DOCK4: variants seen among roughly 807,000 people sequenced by gnomAD.
DOCK4 encodes dedicator of cytokinesis protein 4.
In DOCK4, 97 loss-of-function variants were observed where a neutral mutation model predicts 268.1. The observed-to-expected ratio is 0.36, with a 90% CI of 0.31 to 0.43. The LOEUF (loss-of-function observed/expected upper bound fraction) is 0.43. DOCK4 is among the 20% of genes least tolerant of loss of function. The pLI is 1.00. For missense variants in DOCK4, 2,145 were observed against 2,455.7 expected (o/e 0.87, Z 2.67); for synonymous variants, 954 against 887.2 (o/e 1.08, Z -1.34).
intron 16 of DOCK4, among the ~76,000 whole-genome samples, chr7:111,879,527 C>T (rs566611531): frequency 5.3e-5 from 8 of 152,058 alleles, no homozygotes; most frequent in Non-Finnish European, 1.2e-4. Context: ...CTTGGGGTCC[C>T]CCAGTACAGG....
rs772693243 is a variant in DOCK4, at chr7:111,989,119, A to G, written c.360T>C (p.Asn120=). Residue 120 remains asparagine, a synonymous_variant, in exon 6 of 53, where the codon AAT becomes AAC. Coordinates refer to ENST00000428084, the MANE Select transcript of DOCK4 (RefSeq NM_001363540.2). ...CCTGCCGCCTCAGGTCCAGGATTTCATTCATGATGTGCCACAGCCGGTGGA... is the reference window on the plus strand; with the variant it reads ...CCTGCCGCCTCAGGTCCAGGATTTCGTTCATGATGTGCCACAGCCGGTGGA... ...DLFHRLWHIM[N]EILDLRRQVL... is the part of the protein sequence containing the mutation. The G allele has an allele frequency of 6.2e-7, 1 of 1,614,008 alleles. No individual in the cohort carries two copies. The highest frequency in any genetic ancestry group is 2.2e-5 in the East Asian group (1 of 44,882).
chr7:112,029,662 A>G (rs532228594), intron 1 of DOCK4, among the ~76,000 whole-genome samples: 63 of 152,314 alleles, frequency 4.1e-4, no homozygotes, highest in Middle Eastern at 6.8e-3. Flanking sequence ...TTGAACTTAC[A>G]TGGAAATTCA....
At chr7:112,167,095 A>G (rs1817672624) in intron 1 of DOCK4, among the ~76,000 whole-genome samples, 1 of 152,220 alleles carries the variant, frequency 6.6e-6, no homozygotes, top group African/African-American at 2.4e-5. Context: ...TCATTAGTGG[A>G]GAAAATTCCA....
chr7:112,177,864 G>C (rs1300140928), intron 1 of DOCK4, among the ~76,000 whole-genome samples: 4 of 152,146 alleles, frequency 2.6e-5, no homozygotes. Flanking sequence ...TTTGCAGAAA[G>C]GCTGTTCTTC....
At chr7:111,771,036 A>T (rs996549246) in intron 36 of DOCK4, among the ~76,000 whole-genome samples, 4 of 152,258 alleles carry the variant, frequency 2.6e-5, no homozygotes, top group African/African-American at 7.2e-5. Context: ...GCAGTCTCTT[A>T]TCCCCCTCCA....
chr7:111,727,938 A>G lies in DOCK4; in HGVS notation c.*336T>C, dbSNP rs976537109. The G allele has an allele frequency of 2.8e-5, 6 of 214,632 alleles. No homozygotes were observed. The highest frequency in any genetic ancestry group is 5.4e-5 in the Non-Finnish European group (6 of 110,296). 13.3% of individuals were successfully genotyped at this position (214,632 alleles called of 1,614,324 possible). A position where few individuals can be genotyped will look rare whatever the true frequency, so the allele number is the denominator to read the frequency against. ...TCAGTAAAAACGATACAACATTGTC[A>G]CACATTGTATCGTTTGACAATATCG... On this transcript the variant is annotated 3_prime_UTR_variant, in exon 53 of 53. Coordinates refer to ENST00000428084, the MANE Select transcript of DOCK4 (RefSeq NM_001363540.2).
chr7:112,145,710 C>T (rs1002071508), intron 1 of DOCK4, among the ~76,000 whole-genome samples: 3 of 151,952 alleles, frequency 2.0e-5, no homozygotes, highest in Non-Finnish European at 2.9e-5. Context: ...GACATACATG[C>T]ACATGAGGGA....
intron 8 of DOCK4, among the ~76,000 whole-genome samples, chr7:111,973,040 A>G (rs1271309804): frequency 6.6e-6 from 1 of 151,204 alleles, no homozygotes; most frequent in African/African-American, 2.4e-5. Context: ...AGAACATACA[A>G]TGTTTGGTTT....
chr7:112,120,345 G>C (rs574100160), intron 1 of DOCK4, among the ~76,000 whole-genome samples: 2 of 152,166 alleles, frequency 1.3e-5, no homozygotes, highest in South Asian at 4.1e-4. Flanking sequence ...GTTTAGTAGC[G>C]CTATTTTAAA....
rs1806952755 is a variant in DOCK4 at position 111,877,070 on chromosome 7, A to C, written c.1704T>G (p.Cys568Trp). The change falls in exon 17 of 53, where the codon TGT (cysteine) becomes TGG (tryptophan). Residue 568 changes from cysteine (C) to tryptophan (W), a missense_variant. Around this residue, in one of 2 missense-constraint regions of DOCK4, gnomAD observed 1,598 missense variants for 1,986.7 expected, o/e 0.80. Transcript: ENST00000428084. ...TTGTGGAACAGAGAAAAGATGTAATACAAAAGGACTCCTTTGTGGCCTTCA... is the reference window on the plus strand; with the variant it reads ...TTGTGGAACAGAGAAAAGATGTAATCCAAAAGGACTCCTTTGTGGCCTTCA... ...QAMKATKESFCITSFLCSTKL... is the reference protein window; with the variant it reads ...QAMKATKESFWITSFLCSTKL... 1 of 1,576,128 alleles carries C rather than the reference A, an allele frequency of 6.3e-7. No homozygotes were observed. The highest frequency in any genetic ancestry group is 8.6e-7 in the Non-Finnish European group (1 of 1,163,932).
intron 1 of DOCK4, among the ~76,000 whole-genome samples, chr7:112,104,483 G>A (rs1170199063): frequency 6.6e-6 from 1 of 152,130 alleles, no homozygotes; most frequent in Middle Eastern, 3.2e-3. Flanking sequence ...GCAGGCCATG[G>A]CTTATGAAAC....
rs899491262 is a variant in DOCK4 at position 112,060,485 on chromosome 7, T to C, written c.38-56354A>G. The stretch of plus-strand genomic sequence containing the variant: ...TATTCTGGGTATATACCAACAATAA[T>C]TGAAAATCGGGTCTCAAAGAAATAC... On this transcript the variant is annotated intron_variant, in intron 1 of 52. Coordinates refer to ENST00000428084, the MANE Select transcript of DOCK4 (RefSeq NM_001363540.2). 2.0e-5 allele frequency among the ~76,000 whole-genome samples: 3 copies of C among 152,174 alleles called. No homozygotes were observed. In the South Asian group the frequency reaches 6.2e-4, roughly 32 times the overall value.
intron 26 of DOCK4, among the ~76,000 whole-genome samples, chr7:111,829,194 G>T (rs1028533861): frequency 4.6e-5 from 7 of 152,088 alleles, no homozygotes; most frequent in Non-Finnish European, 8.8e-5. Context: ...GCCTTTCTCA[G>T]ATATCTCCAT....
chr7:111,825,429 C>T (rs910591426), intron 26 of DOCK4, among the ~76,000 whole-genome samples: 3 of 151,948 alleles, frequency 2.0e-5, no homozygotes. Flanking sequence ...CTGTCCTCTC[C>T]GAGTACTTTT....
intron 1 of DOCK4, among the ~76,000 whole-genome samples, chr7:112,119,646 T>A (rs1367094178): frequency 6.6e-6 from 1 of 152,196 alleles, no homozygotes; most frequent in East Asian, 1.9e-4. Flanking sequence ...GTCTGAGTTC[T>A]GAAGTCAGAA....
chr7:112,194,625 A>G (rs1172728477), intron 1 of DOCK4, among the ~76,000 whole-genome samples: 1 of 152,216 alleles, frequency 6.6e-6, no homozygotes, highest in Non-Finnish European at 1.5e-5. Flanking sequence ...AAACCTCACA[A>G]AGGAAATAAT....
intron 1 of DOCK4, among the ~76,000 whole-genome samples, chr7:112,199,163 C>G (rs1042879130): frequency 1.3e-5 from 2 of 152,090 alleles, no homozygotes; most frequent in Non-Finnish European, 2.9e-5. Context: ...TACAGTATGA[C>G]CTTAAATAAG....
rs1804682335 is a variant in DOCK4 at position 111,852,706 on chromosome 7, A to T, written c.2474-5580T>A. The stretch of plus-strand genomic sequence containing the variant: ...GGTGGACAAATAATTTGTGTGTGGC[A>T]TGTATACAAAGAAATACATAACAAC... On this transcript the variant is annotated intron_variant, in intron 23 of 52. Coordinates refer to ENST00000428084, the MANE Select transcript of DOCK4 (RefSeq NM_001363540.2). Among the ~76,000 whole-genome samples the T allele has an allele frequency of 3.3e-5, 5 of 152,216 alleles. No individual in the cohort carries two copies. In the South Asian group the frequency reaches 1.0e-3, roughly 32 times the overall value.
chr7:112,188,880 A>C (rs1396725413), intron 1 of DOCK4, among the ~76,000 whole-genome samples: 2 of 152,208 alleles, frequency 1.3e-5, no homozygotes, highest in Non-Finnish European at 2.9e-5. Context: ...TTCTGAATTT[A>C]TATTTTCTCA....
Sources: gnomAD v4.1 joint callset for allele counts (sites outside exome capture counted in the v4.1 genomes callset) on GRCh38, gnomAD v4.1.1 for gene constraint, gnomAD v4.1.1 regional missense constraint, MANE v1.5 for transcripts, NCBI Gene and HGNC (gene_info 2026-07-23, HGNC 2026-07-21) for gene names.